Variants in SSH2 observed in about 807,000 individuals in gnomAD.
SSH2 encodes slingshot protein phosphatase 2.
Under a neutral mutation model 135.2 loss-of-function variants are expected in SSH2, and 37 were observed. The observed-to-expected ratio is 0.27, with a 90% CI of 0.21 to 0.36. The LOEUF is 0.36. SSH2 is among the 10% of genes least tolerant of loss of function. The pLI is 1.00. For missense variants in SSH2, 1,408 were observed against 1,765.3 expected, an observed-to-expected ratio of 0.80 and a Z score of 3.63; for synonymous variants, 628 against 646.2, an observed-to-expected ratio of 0.97 and a Z score of 0.43.
intron 13 of SSH2, among the ~76,000 whole-genome samples, chr17:29,649,439 G>C (rs1193763813): frequency 6.6e-6 from 1 of 151,824 alleles, no homozygotes; most frequent in African/African-American, 2.4e-5. Context: ...CTCAAGTGCA[G>C]TGGTGCGACC....
intron 3 of SSH2, among the ~76,000 whole-genome samples, chr17:29,757,093 C>G (rs960292416): frequency 6.6e-6 from 1 of 152,150 alleles, no homozygotes; most frequent in Non-Finnish European, 1.5e-5. Context: ...ACTCCCTCCC[C>G]CAAATACAAA....
chr17:29,791,683 C>A (rs747146912), intron 3 of SSH2, among the ~76,000 whole-genome samples: 1 of 152,126 alleles, frequency 6.6e-6, no homozygotes, highest in African/African-American at 2.4e-5. Flanking sequence ...TGCTTCGAGT[C>A]GGACTAAAGC....
intron 8 of SSH2, among the ~76,000 whole-genome samples, chr17:29,673,292 A>C (rs1338872709): frequency 6.6e-6 from 1 of 151,410 alleles, no homozygotes; most frequent in African/African-American, 2.4e-5. Flanking sequence ...CATTATGGCC[A>C]GGCACGGTGG....
At chr17:29,868,737 C>A (rs79106931) in intron 1 of SSH2, among the ~76,000 whole-genome samples, 135 of 119,972 alleles carry the variant, frequency 1.1e-3, no homozygotes, top group Admixed American at 1.5e-3. Context: ...GACTCCACCT[C>A]AAAAAAAAAA....
In SSH2 at chr17:29,630,421, A is replaced by G. The variant is rs2035617387; in HGVS notation, c.*420T>C. The G allele has an allele frequency of 6.5e-6, 1 of 154,120 alleles. No homozygotes were observed. The highest frequency in any genetic ancestry group is 2.0e-4 in the South Asian group (1 of 4,930). 9.5% of individuals were successfully genotyped at this position (154,120 alleles called of 1,614,324 possible). ...CCTCAGGTCTGGAAACCAAACCATC[A>G]TCACAAAGGCAGGGGAACATCTCCA... On this transcript the variant is annotated 3_prime_UTR_variant, in exon 16 of 16. Coordinates refer to ENST00000540801, the MANE Select transcript of SSH2 (RefSeq NM_001282129.2).
intron 3 of SSH2, among the ~76,000 whole-genome samples, chr17:29,743,907 C>CTTT (rs59540894): frequency 0.015 from 1,488 of 99,628 alleles, 36 homozygotes; most frequent in African/African-American, 0.049. Context: ...TTCTTTTTTC[C>CTTT]TTTTTTTTTT....
At chr17:29,807,553 G>A (rs1402678438) in intron 2 of SSH2, among the ~76,000 whole-genome samples, 1 of 152,156 alleles carries the variant, frequency 6.6e-6, no homozygotes, top group Non-Finnish European at 1.5e-5. Flanking sequence ...TGTTTTATCT[G>A]AAAAGTTGTT....
intron 2 of SSH2, among the ~76,000 whole-genome samples, chr17:29,842,001 T>C (rs879824809): frequency 1.6e-4 from 24 of 149,486 alleles, no homozygotes; most frequent in Non-Finnish European, 2.7e-4. Flanking sequence ...CCCAAAGTGC[T>C]GGGATTACAG....
At chr17:29,637,651 G>A (rs1013820712) in intron 14 of SSH2, among the ~76,000 whole-genome samples, 4 of 151,708 alleles carry the variant, frequency 2.6e-5, no homozygotes, top group East Asian at 1.9e-4. Context: ...GTGTGGTGGC[G>A]TATGACTGTA....
chr17:29,833,644 T>TTTCCTTCCTTCCTTCC (rs113649605), intron 2 of SSH2, among the ~76,000 whole-genome samples: 1 of 132,314 alleles, frequency 7.6e-6, no homozygotes, highest in African/African-American at 2.8e-5. Context: ...TCTGTTTTTT[T>TTTCCTTCCTTCCTTCC]TTCCTTCCTT....
At chr17:29,794,110 G>A (rs1428312914) in intron 2 of SSH2, among the ~76,000 whole-genome samples, 173 bp from the exon 3 acceptor site, 1 of 152,140 alleles carries the variant, frequency 6.6e-6, no homozygotes, top group Admixed American at 6.5e-5. Context: ...CCAGGAAGTT[G>A]ATGTCAATAG....
chr17:29,729,463 C>T (rs1193548211), intron 3 of SSH2, among the ~76,000 whole-genome samples: 9 of 152,180 alleles, frequency 5.9e-5, no homozygotes, highest in Non-Finnish European at 1.2e-4. Flanking sequence ...AGTACAACCA[C>T]TATGGAGAAC....
At chr17:29,768,510 G>A (rs1192341494) in intron 3 of SSH2, among the ~76,000 whole-genome samples, 2 of 152,038 alleles carry the variant, frequency 1.3e-5, no homozygotes, top group African/African-American at 2.4e-5. Flanking sequence ...GGGCTCAAGC[G>A]ATCCTCCTGC....
In SSH2 at chr17:29,629,523, G is replaced by A. The variant is rs1213089195; in HGVS notation, c.*1318C>T. On this transcript the variant is annotated 3_prime_UTR_variant, in exon 16 of 16. Transcript: ENST00000540801. ...ACAGCCACCATCAACATATTGTACA[G>A]ATTCCTATCAACACCCAACACTTTC... 1 of 152,636 alleles carries A rather than the reference G, an allele frequency of 6.6e-6. No homozygotes were observed. The highest frequency in any genetic ancestry group is 2.4e-5 in the African/African-American group (1 of 41,458). The allele number at this position is 152,636 out of a possible 1,614,324, so 9.5% of individuals were successfully genotyped here.
intron 3 of SSH2, among the ~76,000 whole-genome samples, chr17:29,757,055 T>G (rs2041152473): frequency 6.6e-6 from 1 of 152,184 alleles, no homozygotes; most frequent in South Asian, 2.1e-4. Flanking sequence ...AGAGAACCAC[T>G]GGGCTAAGTG....
intron 4 of SSH2, among the ~76,000 whole-genome samples, chr17:29,699,067 T>C (rs1222029750): frequency 1.3e-5 from 2 of 152,184 alleles, no homozygotes; most frequent in Non-Finnish European, 2.9e-5. Context: ...CTGCATATCA[T>C]TTCCTACTGG....
At chr17:29,919,804 C>A (rs964008964) in intron 1 of SSH2, among the ~76,000 whole-genome samples, 1 of 151,232 alleles carries the variant, frequency 6.6e-6, no homozygotes, top group Non-Finnish European at 1.5e-5. Flanking sequence ...AAAACATGGA[C>A]ATGTGAATAG....
intron 1 of SSH2, among the ~76,000 whole-genome samples, chr17:29,864,606 A>C (rs1202024418): frequency 1.3e-5 from 2 of 150,464 alleles, no homozygotes; most frequent in Non-Finnish European, 3.0e-5. Context: ...TGTAGTTGCA[A>C]ATTCACACCC....
intron 3 of SSH2, among the ~76,000 whole-genome samples, chr17:29,745,029 T>C (rs1475941319): frequency 1.3e-5 from 2 of 152,116 alleles, no homozygotes; most frequent in Non-Finnish European, 2.9e-5. Flanking sequence ...CCTTGCAAAA[T>C]TGGCAACCTT....
Sources: gnomAD v4.1 joint callset for allele counts (sites outside exome capture counted in the v4.1 genomes callset) on GRCh38, gnomAD v4.1.1 for gene constraint, MANE v1.5 for transcripts, NCBI Gene and HGNC (gene_info 2026-07-23, HGNC 2026-07-21) for gene names.